The following KCNJ6 variants were observed in gnomAD, a reference collection of about 807,000 sequenced individuals.
KCNJ6 encodes G protein-activated inward rectifier potassium channel 2.
Under a neutral mutation model 34.2 loss-of-function variants are expected in KCNJ6, and 9 were observed. The ratio of observed to expected loss-of-function variants is 0.26; its 90% CI spans 0.16 to 0.46. KCNJ6 has a LOEUF of 0.46. Among genes scored for constraint, KCNJ6 ranks in the 20% least tolerant of loss-of-function variants. The pLI is 1.00. For missense variants in KCNJ6, 236 were observed against 531.3 expected, an observed-to-expected ratio of 0.44 and a Z score of 5.46; for synonymous variants, 196 against 207.1, an observed-to-expected ratio of 0.95 and a Z score of 0.46.
intron 2 of KCNJ6, among the ~76,000 whole-genome samples, chr21:37,732,786 C>T (rs958501912): frequency 6.6e-6 from 1 of 152,084 alleles, no homozygotes; most frequent in Admixed American, 6.6e-5. Flanking sequence ...CTCTGCTGTC[C>T]CTCTCCTGGG....
intron 2 of KCNJ6, among the ~76,000 whole-genome samples, chr21:37,777,721 AT>A (rs2055148917): frequency 6.6e-6 from 1 of 152,232 alleles, no homozygotes; most frequent in Non-Finnish European, 1.5e-5. Flanking sequence ...TGGAAGTCAT[AT>A]AACACAAGTC....
chr21:37,616,642 G>A lies in KCNJ6; in HGVS notation c.*8517C>T, dbSNP rs1219646078. 4.6e-5 allele frequency: 5 copies of A among 108,548 alleles called. No individual in the cohort carries two copies. In the Admixed American group the frequency reaches 5.1e-4, roughly 11 times the overall value. 6.7% of individuals were successfully genotyped at this position (108,548 alleles called of 1,614,324 possible). A position where few individuals can be genotyped will look rare whatever the true frequency, so the allele number is the denominator to read the frequency against. On this transcript the variant is annotated 3_prime_UTR_variant, in exon 4 of 4. Coordinates refer to ENST00000609713, the MANE Select transcript of KCNJ6 (RefSeq NM_002240.5). The stretch of plus-strand genomic sequence containing the variant: ...GGTTAGACTCTGAACATATACGCTC[G>A]GTTAAAATTGGTGGTGGCTATTAAG...
At chr21:37,703,799 A>G (rs1322826067) in intron 3 of KCNJ6, among the ~76,000 whole-genome samples, 1 of 147,770 alleles carries the variant, frequency 6.8e-6, no homozygotes, top group Non-Finnish European at 1.5e-5. Context: ...CTACCTTTCA[A>G]TGTGGTAGTG....
chr21:37,639,141 A>G (rs1030481879), intron 3 of KCNJ6, among the ~76,000 whole-genome samples: 3 of 152,144 alleles, frequency 2.0e-5, no homozygotes, highest in African/African-American at 7.2e-5. Flanking sequence ...CAAAAATTCT[A>G]CCTAATAGAA....
rs559800958 is a variant in KCNJ6 at position 37,804,834 on chromosome 21, G to T, written c.25+35824C>A. Among the ~76,000 whole-genome samples the T allele has an allele frequency of 5.3e-5, 8 of 152,182 alleles. No homozygotes were observed. In the East Asian group the frequency reaches 1.5e-3, roughly 29 times the overall value. On this transcript the variant is annotated intron_variant, in intron 2 of 3. Coordinates refer to ENST00000609713, the MANE Select transcript of KCNJ6 (RefSeq NM_002240.5). The stretch of plus-strand genomic sequence containing the variant: ...ACCCAGTCTATCATTGATGGGCATT[G>T]TTGAGTCTATGTCTTTACTATAGTG...
chr21:37,625,963 C>T (rs914963034), intron 3 of KCNJ6, among the ~76,000 whole-genome samples: 3 of 152,114 alleles, frequency 2.0e-5, no homozygotes, highest in African/African-American at 7.2e-5. Flanking sequence ...AAGCTAGAGG[C>T]CACAGATCAG....
At chr21:37,888,870 C>A (rs995101390) in intron 1 of KCNJ6, among the ~76,000 whole-genome samples, 1 of 152,202 alleles carries the variant, frequency 6.6e-6, no homozygotes, top group Non-Finnish European at 1.5e-5. Context: ...GGCCATGCTG[C>A]GGCCTAAGCA....
intron 3 of KCNJ6, among the ~76,000 whole-genome samples, chr21:37,713,396 G>T (rs2054772997): frequency 6.6e-6 from 1 of 152,168 alleles, no homozygotes; most frequent in Non-Finnish European, 1.5e-5. Context: ...AGGCACTATG[G>T]TTATCTTGAG....
chr21:37,692,665 G>A (rs1429397421), intron 3 of KCNJ6, among the ~76,000 whole-genome samples: 1 of 152,184 alleles, frequency 6.6e-6, no homozygotes, highest in African/African-American at 2.4e-5. Flanking sequence ...TTCTGGCTTT[G>A]GAGTGAATCA....
Position 37,694,965 on chromosome 21 carries a change from G to T in KCNJ6, c.946+19246C>A, listed in dbSNP as rs572915628. The stretch of plus-strand genomic sequence containing the variant: ...CAGGAACCCAAGCTACCTCTATCTG[G>T]GACTTCCAGCCTCCAGACTGTTAGT... On this transcript the variant is annotated intron_variant, in intron 3 of 3. Coordinates refer to ENST00000609713, the MANE Select transcript of KCNJ6 (RefSeq NM_002240.5). 2.6e-5 allele frequency among the ~76,000 whole-genome samples: 4 copies of T among 152,280 alleles called. No individual in the cohort carries two copies. The East Asian group carries it at 5.8e-4, about 22-fold the overall frequency.
intron 2 of KCNJ6, among the ~76,000 whole-genome samples, chr21:37,806,477 T>C (rs1213601142): frequency 1.3e-5 from 2 of 152,090 alleles, no homozygotes; most frequent in Non-Finnish European, 2.9e-5. Context: ...ACGTAGTAAA[T>C]AGCAAAGCCA....
At chr21:37,770,041 T>C (rs567229968) in intron 2 of KCNJ6, among the ~76,000 whole-genome samples, 12 of 152,306 alleles carry the variant, frequency 7.9e-5, no homozygotes, top group Admixed American at 5.9e-4. Context: ...GTTTCAGGCA[T>C]TCCATTATAG....
intron 1 of KCNJ6, among the ~76,000 whole-genome samples, chr21:37,900,575 A>T (rs1325439167): frequency 6.6e-6 from 1 of 152,156 alleles, no homozygotes; most frequent in African/African-American, 2.4e-5. Flanking sequence ...GGGAAGGAGG[A>T]GGTGGCAGCA....
intron 3 of KCNJ6, among the ~76,000 whole-genome samples, chr21:37,693,825 T>C (rs1424987632): frequency 1.3e-5 from 2 of 152,174 alleles, no homozygotes; most frequent in African/African-American, 4.8e-5. Context: ...CCTCCAGCGG[T>C]ACCCACTTTC....
At chr21:37,794,164 C>T (rs934421131) in intron 2 of KCNJ6, among the ~76,000 whole-genome samples, 1 of 152,200 alleles carries the variant, frequency 6.6e-6, no homozygotes, top group Non-Finnish European at 1.5e-5. Context: ...GAAAGATTTT[C>T]TGTTCCATAT....
At chr21:37,819,401 T>C (rs1335433758) in intron 2 of KCNJ6, among the ~76,000 whole-genome samples, 1 of 152,154 alleles carries the variant, frequency 6.6e-6, no homozygotes, top group African/African-American at 2.4e-5. Context: ...AAAACCATCA[T>C]AAATTATTAG....
intron 2 of KCNJ6, among the ~76,000 whole-genome samples, chr21:37,753,336 C>A (rs552314012): frequency 6.6e-6 from 1 of 152,268 alleles, no homozygotes; most frequent in Non-Finnish European, 1.5e-5. Flanking sequence ...GCCCTGGGAT[C>A]AGCACATTTG....
intron 1 of KCNJ6, among the ~76,000 whole-genome samples, chr21:37,896,756 G>A (rs1875721633): frequency 6.6e-6 from 1 of 152,182 alleles, no homozygotes; most frequent in Admixed American, 6.5e-5. Flanking sequence ...GTCAGAGGAA[G>A]AGACAAGCTG....
intron 2 of KCNJ6, among the ~76,000 whole-genome samples, chr21:37,725,285 T>C (rs1467702633): frequency 6.6e-6 from 1 of 152,046 alleles, no homozygotes; most frequent in Non-Finnish European, 1.5e-5. Flanking sequence ...CCCAGCTACT[T>C]AGGAGGCTGA....
Sources: gnomAD v4.1 joint callset for allele counts (sites outside exome capture counted in the v4.1 genomes callset) on GRCh38, gnomAD v4.1.1 for gene constraint, MANE v1.5 for transcripts, NCBI Gene and HGNC (gene_info 2026-07-23, HGNC 2026-07-21) for gene names.